Variants in ROBO1 observed in about 807,000 individuals in gnomAD.
ROBO1 encodes the protein roundabout guidance receptor 1, also known as roundabout homolog 1.
In ROBO1, 149 loss-of-function variants were observed where a neutral mutation model predicts 195.9. The ratio of observed to expected loss-of-function variants is 0.76; its 90% confidence interval spans 0.67 to 0.87. ROBO1 has a LOEUF of 0.87. Among genes scored for constraint, ROBO1 ranks in the 40% least tolerant of loss-of-function variants. The pLI is 0.00. For synonymous variants in ROBO1, 816 were observed against 733.2 expected, an observed-to-expected ratio of 1.11 and a Z score of -1.82; for missense variants, 1,933 against 2,068.3, an observed-to-expected ratio of 0.93 and a Z score of 1.27.
rs147150723 is a variant in ROBO1, at chr3:78,881,218, G to A, written c.499+57383C>T. On this transcript the variant is annotated intron_variant, in intron 4 of 30. Transcript: ENST00000464233. The stretch of plus-strand genomic sequence containing the variant: ...AATATTGATGAGAGGATTCTGAGCT[G>A]TACGAAGGAGAAGAGACTGCTGGAA... Among the ~76,000 whole-genome samples, 53 of 152,274 alleles carry A rather than the reference G, an allele frequency of 3.5e-4. No individual in the cohort carries two copies. In the East Asian group the frequency reaches 8.3e-3, roughly 24 times the overall value.
chr3:79,382,733 A>AC (rs2109380886), intron 2 of ROBO1, among the ~76,000 whole-genome samples: 1 of 152,256 alleles, frequency 6.6e-6, no homozygotes, highest in African/African-American at 2.4e-5. Flanking sequence ...TTGGCCAATA[A>AC]CTAGTGTTTT....
rs568164572 is a variant in ROBO1, at chr3:79,582,391, A to C, written c.88+7433T>G. ...AATAACTCCAGAAGTTTTTTTCTAT[A>C]TTCTATTATAATAATAATTTATTGT... On this transcript the variant is annotated intron_variant, in intron 2 of 30. Transcript: ENST00000464233. Among the ~76,000 whole-genome samples the C allele has an allele frequency of 1.2e-4, 18 of 151,774 alleles. No individual in the cohort carries two copies. In the South Asian group the frequency reaches 3.5e-3, roughly 30 times the overall value.
chr3:79,673,527 T>C (rs1560089032), intron 1 of ROBO1, among the ~76,000 whole-genome samples: 1 of 151,986 alleles, frequency 6.6e-6, no homozygotes, highest in Non-Finnish European at 1.5e-5. Flanking sequence ...GTACCTGCCA[T>C]AGGCACTATC....
intron 10 of ROBO1, among the ~76,000 whole-genome samples, chr3:78,674,356 T>C (rs2107742021): frequency 6.6e-6 from 1 of 152,334 alleles, no homozygotes. Flanking sequence ...TAAAGACGAA[T>C]AGTATCCCCA....
chr3:79,281,099 G>A (rs1386851775), intron 2 of ROBO1, among the ~76,000 whole-genome samples: 1 of 152,170 alleles, frequency 6.6e-6, no homozygotes, highest in African/African-American at 2.4e-5. Flanking sequence ...TTGAGTTTCT[G>A]TGTTTAAAAA....
At chr3:79,275,887 C>CAAA (rs34445372) in intron 2 of ROBO1, among the ~76,000 whole-genome samples, 5 of 149,806 alleles carry the variant, frequency 3.3e-5, no homozygotes, top group Non-Finnish European at 7.4e-5. Context: ...ACAACAGCTA[C>CAAA]AAAAAAAAAT....
At chr3:79,019,508 T>G in intron 3 of ROBO1, 5 of 985,926 alleles carry the variant, frequency 5.1e-6, no homozygotes, top group Non-Finnish European at 6.0e-6. Flanking sequence ...TCCCTCCCTC[T>G]CCTCCCCGGC....
At chr3:79,121,913 T>C (rs1268361824) in intron 3 of ROBO1, among the ~76,000 whole-genome samples, 1 of 152,202 alleles carries the variant, frequency 6.6e-6, no homozygotes, top group Non-Finnish European at 1.5e-5. Context: ...GAATTTTTAA[T>C]GTATCAATAA....
At chr3:79,660,027 C>T (rs116196359) in intron 1 of ROBO1, among the ~76,000 whole-genome samples, 2,619 of 151,956 alleles carry the variant, frequency 0.017, 30 homozygotes, top group Non-Finnish European at 0.026. Flanking sequence ...TCAAGAATAC[C>T]TTCTGGCAGG....
chr3:78,743,978 G>A (rs77671443), intron 5 of ROBO1, among the ~76,000 whole-genome samples: 9,829 of 152,108 alleles, frequency 0.065, 478 homozygotes, highest in Admixed American at 0.12. Context: ...TGCCTACCAC[G>A]ATGTAATTTT....
At chr3:79,277,196 A>G (rs1329273518) in intron 2 of ROBO1, among the ~76,000 whole-genome samples, 1 of 152,132 alleles carries the variant, frequency 6.6e-6, no homozygotes, top group East Asian at 1.9e-4. Context: ...TATTCACAGT[A>G]GCTAAGATTT....
chr3:79,199,442 C>A (rs1225084432), intron 2 of ROBO1, among the ~76,000 whole-genome samples: 1 of 151,798 alleles, frequency 6.6e-6, no homozygotes, highest in Admixed American at 6.6e-5. Context: ...CTTAATACTG[C>A]TAAAATGGCT....
chr3:79,011,561 A>G (rs902186640), intron 3 of ROBO1, among the ~76,000 whole-genome samples: 2 of 151,940 alleles, frequency 1.3e-5, no homozygotes, highest in African/African-American at 4.8e-5. Flanking sequence ...AAGGGCTTCA[A>G]TCACGTTAGT....
chr3:78,929,617 C>A (rs2039400839), intron 4 of ROBO1, among the ~76,000 whole-genome samples: 1 of 151,954 alleles, frequency 6.6e-6, no homozygotes, highest in Non-Finnish European at 1.5e-5. Context: ...ATCCTTCCAC[C>A]TCAGCCTCCT....
At chr3:79,068,910 C>A (rs945814443) in intron 3 of ROBO1, among the ~76,000 whole-genome samples, 1 of 151,890 alleles carries the variant, frequency 6.6e-6, no homozygotes, top group South Asian at 2.1e-4. Context: ...ATTCCTTTCT[C>A]TTCCATTATC....
chr3:79,718,534 T>C (rs1278171367), intron 1 of ROBO1, among the ~76,000 whole-genome samples: 2 of 152,002 alleles, frequency 1.3e-5, no homozygotes, highest in African/African-American at 4.8e-5. Context: ...TTATGATATG[T>C]ATTATAGTGT....
At chr3:78,783,023 A>G (rs1364450879) in intron 4 of ROBO1, among the ~76,000 whole-genome samples, 1 of 152,228 alleles carries the variant, frequency 6.6e-6, no homozygotes, top group Non-Finnish European at 1.5e-5. Flanking sequence ...TGAATTCGTG[A>G]CTAAAGAACA....
At chr3:79,726,012 G>A (rs1702911632) in intron 1 of ROBO1, among the ~76,000 whole-genome samples, 1 of 152,142 alleles carries the variant, frequency 6.6e-6, no homozygotes, top group South Asian at 2.1e-4. Context: ...GTCAAATCAT[G>A]GAGGAAGACT....
intron 1 of ROBO1, among the ~76,000 whole-genome samples, chr3:79,613,327 T>G (rs1944722165): frequency 6.6e-6 from 1 of 152,026 alleles, no homozygotes; most frequent in African/African-American, 2.4e-5. Flanking sequence ...TTGGGATTGA[T>G]TAAAAGAAAC....
Sources: allele counts gnomAD v4.1 joint callset (sites outside exome capture counted in the v4.1 genomes callset), GRCh38; gene constraint gnomAD v4.1.1; transcripts MANE v1.5; gene names NCBI Gene and HGNC (gene_info 2026-07-23, HGNC 2026-07-21).